The following PCDHGA1 variants were observed in gnomAD, a reference collection of about 807,000 sequenced individuals.
The protein encoded by PCDHGA1 is protocadherin gamma subfamily A, 1.
A neutral mutation model predicts 58.0 loss-of-function variants in PCDHGA1; 32 were observed. The ratio of observed to expected loss-of-function variants is 0.55; its 90% CI spans 0.42 to 0.74. The LOEUF (loss-of-function observed/expected upper bound fraction) is 0.74. Among genes scored for constraint, PCDHGA1 ranks in the 30% least tolerant of loss-of-function variants. The pLI, the probability that PCDHGA1 is intolerant of heterozygous loss-of-function variation, is 0.00. For missense variants in PCDHGA1, 1,205 were observed against 1,182.3 expected (o/e 1.02, Z -0.28); for synonymous variants, 498 against 501.1 (o/e 0.99, Z 0.08).
At position 141,332,473 on chromosome 5, in the gene PCDHGA1, G is replaced by A. The variant is rs267600442; in HGVS notation, c.1789G>A (p.Asp597Asn). 9.9e-6 allele frequency: 16 copies of A among 1,613,432 alleles called. No homozygotes were observed. The highest frequency in any genetic ancestry group is 1.4e-5 in the Non-Finnish European group (16 of 1,180,042). ...LVTKVVAVDR[D>N]SGQNAWLSYR... is the part of the protein sequence containing the mutation. The stretch of plus-strand genomic sequence containing the variant: ...GACCAAGGTGGTGGCGGTGGACAGA[G>A]ACTCGGGCCAGAACGCCTGGCTGTC... Residue 597 changes from aspartate to asparagine, a missense_variant, in exon 1 of 4, where the codon GAC becomes AAC. Asp to Asn is a conservative substitution (Grantham distance 23). Transcript: ENST00000517417. The surrounding 1 kb of genome is among the most constrained non-coding windows in gnomAD (Gnocchi z 4.6).
chr5:141,428,052 G>A (rs750852525), intron 1 of PCDHGA1: 6 of 1,608,992 alleles, frequency 3.7e-6, no homozygotes, highest in East Asian at 4.5e-5. Context: ...GACCAAGGTG[G>A]TGGCGGTGGA....
chr5:141,346,442 T>C, intron 1 of PCDHGA1: 1 of 1,614,232 alleles, frequency 6.2e-7, no homozygotes, highest in Non-Finnish European at 8.5e-7. Flanking sequence ...TGAAAGGAGA[T>C]TCCAACCTAC....
chr5:141,340,984 C>G, intron 1 of PCDHGA1: 1 of 1,613,958 alleles, frequency 6.2e-7, no homozygotes, highest in Non-Finnish European at 8.5e-7. Flanking sequence ...TCCCCGACAT[C>G]CTGGCCGACC....
chr5:141,480,660 C>T (rs535356928), intron 1 of PCDHGA1, among the ~76,000 whole-genome samples: 2 of 152,170 alleles, frequency 1.3e-5, no homozygotes, highest in Non-Finnish European at 2.9e-5. Flanking sequence ...ACATTAAAAT[C>T]ACCTAGAGAC....
At chr5:141,338,648 A>G (rs1450240815) in intron 1 of PCDHGA1, 2 of 236,746 alleles carry the variant, frequency 8.4e-6, no homozygotes, top group Non-Finnish European at 1.6e-5. Context: ...GAAAGTCAAC[A>G]AAGGCAAACA....
In PCDHGA1 at chr5:141,364,711, T is replaced by C. The variant is rs370237297; in HGVS notation, c.2421+31606T>C. ...TAGAAGTAGAAATAATCGATATTAA[T>C]GATAACTTCCCGCGTTTCCGGGATG... On this transcript the variant is annotated intron_variant, in intron 1 of 3. Transcript: ENST00000517417. 48 of 1,613,870 alleles carry C rather than the reference T, an allele frequency of 3.0e-5. No homozygotes were observed. In the African/African-American group the frequency reaches 5.1e-4, roughly 17 times the overall value.
chr5:141,384,784 G>T, intron 1 of PCDHGA1: 1 of 1,613,618 alleles, frequency 6.2e-7, no homozygotes, highest in Non-Finnish European at 8.5e-7. Flanking sequence ...GGTGCGCACG[G>T]CTCGGGCCCT....
At chr5:141,355,268 T>C (rs1220668152) in intron 1 of PCDHGA1, 1 of 1,613,650 alleles carries the variant, frequency 6.2e-7, no homozygotes, top group Admixed American at 1.7e-5. Flanking sequence ...CTGGGGGTTC[T>C]GGTGGAAATC....
intron 1 of PCDHGA1, chr5:141,384,274 G>T (rs1396743546): frequency 6.2e-7 from 1 of 1,613,704 alleles, no homozygotes; most frequent in East Asian, 2.2e-5. Flanking sequence ...ATCCTACTCA[G>T]TCTACATCGC....
intron 1 of PCDHGA1, chr5:141,442,020 A>G (rs1461958612): frequency 4.6e-6 from 1 of 219,170 alleles, no homozygotes; most frequent in South Asian, 5.2e-5. Context: ...GATGGGCCAC[A>G]GGAAAGCGAC....
rs574260415 is a variant in PCDHGA1, at chr5:141,354,689, C to T, written c.2421+21584C>T. On this transcript the variant is annotated intron_variant, in intron 1 of 3. Transcript: ENST00000517417. ...TTAGGAGAGATAATTATGTCCCTCA[C>T]ACAATACGCTATACTGAGAATGGGC... Among the ~76,000 whole-genome samples, 8 of 152,264 alleles carry T rather than the reference C, an allele frequency of 5.3e-5. No individual in the cohort carries two copies. In the East Asian group the frequency reaches 1.5e-3, roughly 29 times the overall value.
Position 141,330,829 on chromosome 5 carries a change from G to C in PCDHGA1, c.145G>C (p.Ala49Pro). 6.2e-7 allele frequency: 1 copy of C among 1,614,152 alleles called. No homozygotes were observed. The change falls in exon 1 of 4, where the codon GCC becomes CCC. Residue 49 changes from alanine to proline, a missense_variant. Ala to Pro is a conservative substitution (Grantham distance 27). Transcript: ENST00000517417. ...CAAAGGTTCCTTCGTAGGCAACATC[G>C]CCAAGGACCTAGGGCTGCAACCCCA... Reference protein sequence around the residue: ...TDKGSFVGNIAKDLGLQPQEL... With the variant: ...TDKGSFVGNIPKDLGLQPQEL...
intron 1 of PCDHGA1, chr5:141,383,728 G>GGT (rs1554087976): frequency 1.9e-6 from 3 of 1,613,878 alleles, no homozygotes; most frequent in Non-Finnish European, 2.5e-6. Flanking sequence ...CAATGGGGAA[G>GGT]TGACATATTC....
chr5:141,477,532 C>A lies in PCDHGA1; in HGVS notation c.2422-17275C>A. 6.2e-7 allele frequency: 1 copy of A among 1,614,146 alleles called. No individual in the cohort carries two copies. The highest frequency in any genetic ancestry group is 8.5e-7 in the Non-Finnish European group (1 of 1,180,028). ...TTTACATTGAAGAAAACAACCTCCC[C>A]GGGGCTCCAATACTAAACCTAAGTG... On this transcript the variant is annotated intron_variant, in intron 1 of 3. Coordinates refer to ENST00000517417, the MANE Select transcript of PCDHGA1 (RefSeq NM_018912.3). The surrounding 1 kb of genome is among the most constrained non-coding windows in gnomAD (Gnocchi z 4.9).
chr5:141,346,016 C>G (rs1561491420), intron 1 of PCDHGA1: 4 of 1,613,310 alleles, frequency 2.5e-6, no homozygotes, highest in Non-Finnish European at 3.4e-6. Context: ...TCACGCTCAC[C>G]GTGGCCGTGG....
At position 141,477,166 on chromosome 5, in the gene PCDHGA1, G is replaced by A. The variant is rs753389305; in HGVS notation, c.2422-17641G>A. ...TTGTGGATGTGAATGACAACGCCCC[G>A]GAGATCACAGTCACCTCCGTGTACA... On this transcript the variant is annotated intron_variant, in intron 1 of 3. Transcript: ENST00000517417. This position sits in a 1 kb window ranked among gnomAD's most constrained non-coding sequence, Gnocchi z 4.9. 5.9e-5 allele frequency: 96 copies of A among 1,614,012 alleles called. 1 individual carries two copies. Among genetic ancestry groups the A allele is most frequent in the Non-Finnish European group, 7.9e-5 (93 of 1,180,030 alleles).
intron 1 of PCDHGA1, chr5:141,408,379 G>C: frequency 6.2e-7 from 1 of 1,614,032 alleles, no homozygotes; most frequent in South Asian, 1.1e-5. Context: ...TCAGTGTCCT[G>C]GATGTGTCGG....
rs539901154 is a variant in PCDHGA1, at chr5:141,413,036, T to C, written c.2421+79931T>C. 238 of 805,778 alleles carry C rather than the reference T, an allele frequency of 3.0e-4. 1 individual carries two copies. Among genetic ancestry groups the C allele is most frequent in the Non-Finnish European group, 4.2e-4 (226 of 532,568 alleles). 49.9% of individuals were successfully genotyped at this position (805,778 alleles called of 1,614,324 possible). On this transcript the variant is annotated intron_variant, in intron 1 of 3. Transcript: ENST00000517417. ...TACACAAGCCCCACAAACCGGCTGC[T>C]GGGCTGCAGGGAAGCTCACTCCAGA...
chr5:141,335,983 AT>A (rs541321978), intron 1 of PCDHGA1, among the ~76,000 whole-genome samples: 3 of 152,244 alleles, frequency 2.0e-5, no homozygotes, highest in Admixed American at 1.3e-4. Flanking sequence ...AAATGCAATA[AT>A]TTTTTTAAAA....
Sources: gnomAD v4.1 joint callset for allele counts (sites outside exome capture counted in the v4.1 genomes callset) on GRCh38, gnomAD v4.1.1 for gene constraint, Gnocchi (gnomAD v3.1) non-coding constraint, MANE v1.5 for transcripts, NCBI Gene and HGNC (gene_info 2026-07-23, HGNC 2026-07-21) for gene names.